The following ADARB2 variants were observed in gnomAD, a reference collection of about 807,000 sequenced individuals.
ADARB2 encodes adenosine deaminase RNA specific B2 (inactive).
Under a neutral mutation model 62.2 loss-of-function variants are expected in ADARB2, and 25 were observed. The observed-to-expected ratio is 0.40, with a 90% confidence interval of 0.29 to 0.56. The LOEUF (loss-of-function observed/expected upper bound fraction) is 0.56, where lower values mean the gene tolerates loss of function less well. Among genes scored for constraint, ADARB2 ranks in the 20% least tolerant of loss-of-function variants. The probability of loss-of-function intolerance (pLI) is 0.43; values close to 1 mark genes in which losing one functional copy is unlikely to be tolerated. For synonymous variants in ADARB2, 572 were observed against 500.8 expected (o/e 1.14, Z -1.90); for missense variants, 1,071 against 1,077.4 (o/e 0.99, Z 0.08).
At chr10:1,706,577 T>C (rs1021662096) in intron 1 of ADARB2, among the ~76,000 whole-genome samples, 1 of 152,192 alleles carries the variant, frequency 6.6e-6, no homozygotes, top group Non-Finnish European at 1.5e-5. Flanking sequence ...TTTTGATTCC[T>C]CCAAGTATTT....
intron 1 of ADARB2, among the ~76,000 whole-genome samples, chr10:1,649,639 T>C (rs1834086394): frequency 6.6e-6 from 1 of 152,226 alleles, no homozygotes; most frequent in Non-Finnish European, 1.5e-5. Context: ...CTGGGCCAGA[T>C]TACCAGATGT....
chr10:1,591,793 G>T (rs1833259746), intron 1 of ADARB2, among the ~76,000 whole-genome samples: 1 of 152,176 alleles, frequency 6.6e-6, no homozygotes, highest in African/African-American at 2.4e-5. Flanking sequence ...AACTCCTTAG[G>T]GCAGGGACTT....
chr10:1,579,140 A>G lies in ADARB2; in HGVS notation c.100+157911T>C, dbSNP rs2676729. Among the ~76,000 whole-genome samples, 1,510 of 152,260 alleles carry G rather than the reference A, an allele frequency of 9.9e-3. 20 individuals are homozygous for G. The highest frequency in any genetic ancestry group is 0.034 in the African/African-American group (1,422 of 41,530). ...GCATCCTCCTAGCACACCGCTTTAT[A>G]TCAAGTACTTAGAGTCAGGCAGGTG... On this transcript the variant is annotated intron_variant, in intron 1 of 9. Coordinates refer to ENST00000381312, the MANE Select transcript of ADARB2 (RefSeq NM_018702.4).
intron 3 of ADARB2, among the ~76,000 whole-genome samples, chr10:1,312,459 C>G (rs1831700826): frequency 6.6e-6 from 1 of 152,240 alleles, no homozygotes; most frequent in Non-Finnish European, 1.5e-5. Context: ...TTGGCTTCAA[C>G]ACTGAACAGA....
intron 4 of ADARB2, among the ~76,000 whole-genome samples, chr10:1,257,747 T>G (rs1309687415): frequency 6.6e-6 from 1 of 152,168 alleles, no homozygotes. Flanking sequence ...ACCCCCAGGT[T>G]CCAACGTGGA....
chr10:1,228,510 T>G (rs887957425), intron 6 of ADARB2, among the ~76,000 whole-genome samples: 11 of 152,346 alleles, frequency 7.2e-5, no homozygotes, highest in African/African-American at 2.6e-4. Flanking sequence ...ATTGGAACCC[T>G]GACTCTAACA....
At position 1,363,473 on chromosome 10, in the gene ADARB2, T is replaced by C; in HGVS notation, c.632A>G (p.Asp211Gly). Residue 211 changes from aspartate (D) to glycine (G), a missense_variant, in exon 3 of 10, where the codon GAC becomes GGC. Transcript: ENST00000381312. ...GAAATCGGCCTGGTCGGAGGTGAAG[T>C]CCGTGCCGGGGCCCGGGCCCCCGCC... ...AMGGGPGPGTDFTSDQADFPD... is the reference protein window; with the variant it reads ...AMGGGPGPGTGFTSDQADFPD... The C allele has an allele frequency of 1.3e-6, 2 of 1,483,550 alleles. No individual in the cohort carries two copies. The highest frequency in any genetic ancestry group is 1.8e-6 in the Non-Finnish European group (2 of 1,121,454). The allele number at this position is 1,483,550 out of a possible 1,614,324, so 91.9% of individuals were successfully genotyped here.
In ADARB2 at chr10:1,217,223, C is replaced by A; in HGVS notation, c.1514-104G>T. 3 of 1,198,616 alleles carry A rather than the reference C, an allele frequency of 2.5e-6. No individual in the cohort carries two copies. The South Asian group carries it at 4.8e-5, about 19-fold the overall frequency. The allele number at this position is 1,198,616 out of a possible 1,614,324, so 74.2% of individuals were successfully genotyped here. On this transcript the variant is annotated intron_variant, in intron 6 of 9. Coordinates refer to ENST00000381312, the MANE Select transcript of ADARB2 (RefSeq NM_018702.4). ...GCAACAGAGGTCAAAGGGCCCCTCA[C>A]CATGGCTGGGCGTTTGGCACGAGGA...
chr10:1,702,076 T>A (rs1252109760), intron 1 of ADARB2, among the ~76,000 whole-genome samples: 1 of 152,260 alleles, frequency 6.6e-6, no homozygotes, highest in African/African-American at 2.4e-5. Flanking sequence ...GAAGCCCTGA[T>A]TGGCCATTCC....
chr10:1,677,836 T>C (rs1039773431), intron 1 of ADARB2, among the ~76,000 whole-genome samples: 11 of 152,298 alleles, frequency 7.2e-5, no homozygotes, highest in African/African-American at 2.6e-4. Flanking sequence ...TCCCACCTCC[T>C]GCTGAGGGAC....
At chr10:1,473,510 G>T (rs964130502) in intron 1 of ADARB2, among the ~76,000 whole-genome samples, 9 of 152,142 alleles carry the variant, frequency 5.9e-5, no homozygotes, top group African/African-American at 2.2e-4. Context: ...CTCCTGAGAA[G>T]CTGGGACTAC....
At chr10:1,414,931 T>G (rs946063220) in intron 1 of ADARB2, among the ~76,000 whole-genome samples, 1 of 151,940 alleles carries the variant, frequency 6.6e-6, no homozygotes, top group African/African-American at 2.4e-5. Flanking sequence ...GATAGATAGG[T>G]GGATGGATGG....
chr10:1,407,081 T>A (rs989542302), intron 1 of ADARB2, among the ~76,000 whole-genome samples: 1 of 152,226 alleles, frequency 6.6e-6, no homozygotes, highest in Non-Finnish European at 1.5e-5. Context: ...CGACCTTGCA[T>A]TAAATTAAAT....
chr10:1,327,002 T>G (rs35764063), intron 3 of ADARB2, among the ~76,000 whole-genome samples: 526 of 2,428 alleles, frequency 0.22, 131 homozygotes, highest in Admixed American at 0.32. Context: ...GCCTCCCCAC[T>G]GCCCAGCGCC....
intron 1 of ADARB2, among the ~76,000 whole-genome samples, chr10:1,512,468 G>A (rs1724301473): frequency 6.6e-6 from 1 of 152,192 alleles, no homozygotes; most frequent in South Asian, 2.1e-4. Flanking sequence ...TACCAAGATG[G>A]GTGTTTCACG....
chr10:1,568,035 T>C (rs1175076619), intron 1 of ADARB2, among the ~76,000 whole-genome samples: 7 of 152,190 alleles, frequency 4.6e-5, no homozygotes, highest in African/African-American at 7.2e-5. Flanking sequence ...TCTCTCTAAC[T>C]CACAGGAAAC....
intron 1 of ADARB2, among the ~76,000 whole-genome samples, chr10:1,669,605 C>T (rs1480757932): frequency 6.6e-6 from 1 of 151,212 alleles, no homozygotes; most frequent in Admixed American, 6.6e-5. Flanking sequence ...CAGACACACT[C>T]ATACAGAGAC....
Position 1,499,694 on chromosome 10 carries a change from T to C in ADARB2, c.101-120534A>G, listed in dbSNP as rs373601147. 3.9e-5 allele frequency among the ~76,000 whole-genome samples: 6 copies of C among 151,992 alleles called. No homozygotes were observed. In the South Asian group the frequency reaches 6.3e-4, roughly 16 times the overall value. On this transcript the variant is annotated intron_variant, in intron 1 of 9. Coordinates refer to ENST00000381312, the MANE Select transcript of ADARB2 (RefSeq NM_018702.4). ...TCACCCATTAGCCATCATTCACTCA[T>C]TACTCACTCATAATTCATTCATCAC...
intron 3 of ADARB2, among the ~76,000 whole-genome samples, chr10:1,332,729 A>G (rs1831941252): frequency 2.0e-5 from 3 of 152,216 alleles, no homozygotes; most frequent in Non-Finnish European, 2.9e-5. Context: ...GCATCTGTCC[A>G]ATAGAGACAC....
Sources: allele counts gnomAD v4.1 joint callset (sites outside exome capture counted in the v4.1 genomes callset), GRCh38; gene constraint gnomAD v4.1.1; transcripts MANE v1.5; gene names NCBI Gene and HGNC (gene_info 2026-07-23, HGNC 2026-07-21).